Variants in ATF7 observed in about 807,000 individuals in gnomAD.
ATF7 encodes the protein activating transcription factor 7.
Under a neutral mutation model 50.4 loss-of-function variants are expected in ATF7, and 10 were observed. The ratio of observed to expected loss-of-function variants is 0.20; its 90% confidence interval spans 0.12 to 0.34. The LOEUF is 0.34. Ranked by LOEUF, ATF7 falls within the 10% of genes least tolerant of loss-of-function variation. The pLI is 1.00. For synonymous variants in ATF7, 201 were observed against 226.4 expected (o/e 0.89, Z 1.01); for missense variants, 465 against 613.9 (o/e 0.76, Z 2.56).
At chr12:53,541,062 C>T (rs1939523293) in intron 4 of ATF7, among the ~76,000 whole-genome samples, 1 of 152,074 alleles carries the variant, frequency 6.6e-6, no homozygotes, top group South Asian at 2.1e-4. Context: ...AGGGAGATAG[C>T]ATAAAAAGAA....
At chr12:53,530,355 C>T (rs1328848345) in intron 9 of ATF7, among the ~76,000 whole-genome samples, 1 of 152,156 alleles carries the variant, frequency 6.6e-6, no homozygotes, top group East Asian at 1.9e-4. Flanking sequence ...ATTCTAGAAA[C>T]TAATCTCAGG....
At position 53,587,820 on chromosome 12, in the gene ATF7, CAT is replaced by C. The variant is rs1242121330; in HGVS notation, c.48+13131_48+13132del. ...TTTTGATCCTCTATGTATACTTCTA[CAT>C]ATATATATATATATATATATATTTT... On this transcript the variant is annotated intron_variant, in intron 2 of 11. Coordinates refer to ENST00000420353, the MANE Select transcript of ATF7 (RefSeq NM_006856.3). 3.8e-3 allele frequency among the ~76,000 whole-genome samples: 253 copies of C among 67,020 alleles called. 2 individuals are homozygous for C. The highest frequency in any genetic ancestry group is 0.017 in the East Asian group (42 of 2,426). The allele number at this position is 67,020 out of a possible 152,430, so 44.0% of individuals were successfully genotyped here.
intron 3 of ATF7, among the ~76,000 whole-genome samples, chr12:53,545,923 T>C (rs1939874470): frequency 1.3e-5 from 2 of 151,644 alleles, no homozygotes; most frequent in African/African-American, 4.8e-5. Context: ...CTGGGTGCGG[T>C]GGCTCACGCC....
chr12:53,547,133 C>T (rs182985004), intron 3 of ATF7, among the ~76,000 whole-genome samples: 4 of 150,606 alleles, frequency 2.7e-5, no homozygotes, highest in South Asian at 2.1e-4. Context: ...TACAGGCGCC[C>T]GCCACCATGC....
chr12:53,615,178 T>A (rs1029417877), intron 1 of ATF7, among the ~76,000 whole-genome samples: 2 of 150,992 alleles, frequency 1.3e-5, no homozygotes, highest in African/African-American at 4.9e-5. Flanking sequence ...GGTCAGGAGA[T>A]TGAGACCATC....
intron 2 of ATF7, among the ~76,000 whole-genome samples, chr12:53,588,480 C>T (rs1320532064): frequency 2.0e-5 from 3 of 152,188 alleles, no homozygotes; most frequent in Non-Finnish European, 4.4e-5. Context: ...CCTAATTCCA[C>T]CTTAGTCATA....
intron 1 of ATF7, among the ~76,000 whole-genome samples, chr12:53,621,453 A>G (rs1290921469): frequency 6.6e-6 from 1 of 152,100 alleles, no homozygotes; most frequent in Admixed American, 6.5e-5. Flanking sequence ...AATTAACAAA[A>G]TGATAATTAC....
intron 3 of ATF7, among the ~76,000 whole-genome samples, chr12:53,550,982 C>T (rs570207746): frequency 1.3e-5 from 2 of 152,326 alleles, no homozygotes; most frequent in African/African-American, 4.8e-5. Context: ...ATTTACCTCT[C>T]AGATAAACTT....
intron 2 of ATF7, among the ~76,000 whole-genome samples, chr12:53,592,235 A>T (rs1942975147): frequency 6.6e-6 from 1 of 152,224 alleles, no homozygotes; most frequent in Non-Finnish European, 1.5e-5. Context: ...CCACATTCTT[A>T]CCAAAGCACA....
intron 1 of ATF7, among the ~76,000 whole-genome samples, chr12:53,621,833 T>C (rs1321644538): frequency 4.0e-5 from 6 of 149,770 alleles, no homozygotes; most frequent in Admixed American, 2.7e-4. Context: ...ACTAATGTGA[T>C]CTTAGGCTTT....
chr12:53,567,760 CT>C (rs1941523464), intron 2 of ATF7, among the ~76,000 whole-genome samples: 1 of 152,180 alleles, frequency 6.6e-6, no homozygotes, highest in Non-Finnish European at 1.5e-5. Context: ...GATGTAGCCA[CT>C]TAGCTGGGGT....
At chr12:53,525,342 A>C (rs1162507316) in intron 9 of ATF7, among the ~76,000 whole-genome samples, 1 of 152,180 alleles carries the variant, frequency 6.6e-6, no homozygotes, top group Non-Finnish European at 1.5e-5. Flanking sequence ...AACAAGAGCG[A>C]AACTCCGTCT....
intron 1 of ATF7, among the ~76,000 whole-genome samples, chr12:53,616,646 G>T (rs949204578): frequency 6.6e-6 from 1 of 152,088 alleles, no homozygotes; most frequent in African/African-American, 2.4e-5. Flanking sequence ...ATTGCCAAAA[G>T]ATGAGAAAAG....
intron 2 of ATF7, among the ~76,000 whole-genome samples, chr12:53,561,329 TAAAAAAAAA>T (rs57397230): frequency 7.4e-6 from 1 of 134,478 alleles, no homozygotes; most frequent in Non-Finnish European, 1.6e-5. Flanking sequence ...ACTGTCTCTT[TAAAAAAAAA>T]AAAAAAAAAA....
chr12:53,528,817 G>A (rs1342563269), intron 9 of ATF7, among the ~76,000 whole-genome samples: 2 of 152,078 alleles, frequency 1.3e-5, no homozygotes, highest in Non-Finnish European at 2.9e-5. Flanking sequence ...AGTTCTTTAG[G>A]AGAATAGGGG....
At chr12:53,558,967 T>C (rs537608390) in intron 2 of ATF7, among the ~76,000 whole-genome samples, 1 of 152,246 alleles carries the variant, frequency 6.6e-6, no homozygotes, top group East Asian at 1.9e-4. Flanking sequence ...ACAAACTTAC[T>C]AAATGAACAG....
intron 2 of ATF7, among the ~76,000 whole-genome samples, chr12:53,593,619 G>C (rs1403966191): frequency 2.6e-5 from 4 of 152,156 alleles, no homozygotes; most frequent in Non-Finnish European, 5.9e-5. Flanking sequence ...CACTGTATGT[G>C]GTTAGTAATG....
In ATF7 at chr12:53,556,821, C is replaced by T. The variant is rs143156236; in HGVS notation, c.49-4184G>A. On this transcript the variant is annotated intron_variant, in intron 2 of 11. Transcript: ENST00000420353. ...ATGGCAAGGGAATGGTGGGATGGAC[C>T]CCCATAAGAAAAAAAGAAATTCTCT... Among the ~76,000 whole-genome samples the T allele has an allele frequency of 9.8e-4, 149 of 152,172 alleles. 1 individual carries two copies. The East Asian group carries it at 0.024, about 24-fold the overall frequency.
chr12:53,605,840 TA>T (rs1943577623), intron 1 of ATF7, among the ~76,000 whole-genome samples: 1 of 152,212 alleles, frequency 6.6e-6, no homozygotes, highest in African/African-American at 2.4e-5. Flanking sequence ...CACAACACAG[TA>T]GATATTCAAT....
Sources: allele counts gnomAD v4.1 joint callset (sites outside exome capture counted in the v4.1 genomes callset), GRCh38; gene constraint gnomAD v4.1.1; transcripts MANE v1.5; gene names NCBI Gene and HGNC (gene_info 2026-07-23, HGNC 2026-07-21).